The following UBOX5 variants were observed in gnomAD, a reference collection of about 807,000 sequenced individuals.
UBOX5 encodes RING finger protein 37.
A neutral mutation model predicts 39.0 loss-of-function variants in UBOX5; 28 were observed. The ratio of observed to expected loss-of-function variants is 0.72; its 90% CI spans 0.53 to 0.98. UBOX5 has a LOEUF of 0.98. UBOX5 is among the 50% of genes least tolerant of loss of function. UBOX5 has a pLI of 0.00. For missense variants in UBOX5, 585 were observed against 674.4 expected (o/e 0.87, Z 1.47); for synonymous variants, 283 against 275.5 (o/e 1.03, Z -0.27).
At chr20:3,144,166 G>A (rs2148615817) in intron 1 of UBOX5, among the ~76,000 whole-genome samples, 1 of 152,182 alleles carries the variant, frequency 6.6e-6, no homozygotes, top group East Asian at 1.9e-4. Flanking sequence ...TTTTCTTGCA[G>A]AAATGGGCAA....
At chr20:3,122,640 T>A in intron 2 of UBOX5, 56 bp from the exon 3 acceptor site, 5 of 1,509,910 alleles carry the variant, frequency 3.3e-6, no homozygotes, top group Non-Finnish European at 4.4e-6. Flanking sequence ...AACTTGTCAC[T>A]TGTAAGAAAA....
intron 1 of UBOX5, among the ~76,000 whole-genome samples, chr20:3,137,040 C>T (rs1040541760): frequency 4.6e-5 from 7 of 151,906 alleles, no homozygotes; most frequent in South Asian, 2.1e-4. Flanking sequence ...CTTCACCTCC[C>T]GGGTTCAAGC....
At chr20:3,110,454 G>T in intron 4 of UBOX5, 140 bp from the exon 5 acceptor site, 2 of 984,782 alleles carry the variant, frequency 2.0e-6, no homozygotes. Flanking sequence ...GTCTGATCAG[G>T]TAGGGGAGTG....
chr20:3,151,047 A>AGTGTGTGTGT (rs372608459), intron 1 of UBOX5, among the ~76,000 whole-genome samples: 2 of 151,896 alleles, frequency 1.3e-5, no homozygotes, highest in African/African-American at 4.8e-5. Flanking sequence ...AAACCCAGTT[A>AGTGTGTGTGT]GTGTGTGTTT....
At chr20:3,127,036 C>CAAAAAAA (rs10579307) in intron 1 of UBOX5, among the ~76,000 whole-genome samples, 1 of 66,154 alleles carries the variant, frequency 1.5e-5, no homozygotes, top group Non-Finnish European at 2.7e-5. Context: ...AACTCCGTCT[C>CAAAAAAA]AAAAAAAAAA....
chr20:3,152,182 T>G (rs2422859), intron 1 of UBOX5, among the ~76,000 whole-genome samples: 60,882 of 150,872 alleles, frequency 0.4, 14,096 homozygotes, highest in East Asian at 0.56. Flanking sequence ...ACAGGGCTTT[T>G]AAGAAGACCT....
At chr20:3,153,600 G>A (rs1568483960) in intron 1 of UBOX5, among the ~76,000 whole-genome samples, 3 of 152,106 alleles carry the variant, frequency 2.0e-5, no homozygotes, top group African/African-American at 4.8e-5. Context: ...AAACAGGTTC[G>A]GGGGGCAGTA....
rs762262205 is a variant in UBOX5, at chr20:3,110,269, C to T, written c.1463G>A (p.Arg488Lys). ...ILGPECASCK[R>K]VFSPYFKKEP... Reference sequence around the variant, plus strand: ...CTTTTTGAAGTAGGGAGAAAATACTCTTTTGCAGGAGGCACATTCGGGGCC... The same window carrying T: ...CTTTTTGAAGTAGGGAGAAAATACTTTTTTGCAGGAGGCACATTCGGGGCC... Residue 488 changes from arginine (R) to lysine (K), a missense_variant, in exon 5 of 5, where the codon AGA (arginine) becomes AAA (lysine). Coordinates refer to ENST00000217173, the MANE Select transcript of UBOX5 (RefSeq NM_014948.4). The T allele has an allele frequency of 1.2e-6, 2 of 1,614,170 alleles. No homozygotes were observed. The highest frequency in any genetic ancestry group is 8.5e-7 in the Non-Finnish European group (1 of 1,180,026).
rs1568471529 is a variant in UBOX5 at position 3,122,540 on chromosome 20, A to G, written c.99T>C (p.Asp33=). The G allele has an allele frequency of 6.2e-7, 1 of 1,604,546 alleles. No individual in the cohort carries two copies. The highest frequency in any genetic ancestry group is 1.3e-5 in the African/African-American group (1 of 74,758). The change falls in exon 3 of 5, where the codon GAT becomes GAC. Residue 33 remains aspartate (D), a synonymous_variant. Coordinates refer to ENST00000217173, the MANE Select transcript of UBOX5 (RefSeq NM_014948.4). The part of the protein sequence containing the change: ...GYEVENLISE[D]LTKRSHGFRT... Reference sequence around the variant, plus strand: ...TGAAACCATGACTTCTCTTTGTGAGATCTTCAGAGATGAGATTTTCTACTT... The same window carrying G: ...TGAAACCATGACTTCTCTTTGTGAGGTCTTCAGAGATGAGATTTTCTACTT...
chr20:3,158,022 G>A (rs1231246015), intron 1 of UBOX5, among the ~76,000 whole-genome samples: 62 of 152,144 alleles, frequency 4.1e-4, no homozygotes, highest in Non-Finnish European at 8.8e-5. Context: ...CCTCCCGGGC[G>A]AGGATCGCTC....
intron 1 of UBOX5, chr20:3,151,950 C>A (rs1318499151): frequency 2.0e-5 from 3 of 151,108 alleles, no homozygotes; most frequent in Admixed American, 6.6e-5. Flanking sequence ...ACTACAAATA[C>A]AAAAATTAGC....
At chr20:3,156,201 A>G (rs1459994307) in intron 1 of UBOX5, among the ~76,000 whole-genome samples, 1 of 140,314 alleles carries the variant, frequency 7.1e-6, no homozygotes, top group Admixed American at 7.5e-5. Context: ...TTTGAGACAG[A>G]GTCTTGCTCT....
rs750377714 is a variant in UBOX5, at chr20:3,122,027, T to C, written c.612A>G (p.Glu204=). 2 of 1,614,264 alleles carry C rather than the reference T, an allele frequency of 1.2e-6. No homozygotes were observed. The highest frequency in any genetic ancestry group is 2.2e-5 in the East Asian group (1 of 44,890). ...TGACCAGCAGGATGCTGTCTATCACTTCCTGGGAGCAGGTCTTGGCCGGCT... is the reference window on the plus strand; with the variant it reads ...TGACCAGCAGGATGCTGTCTATCACCTCCTGGGAGCAGGTCTTGGCCGGCT... ...WGQPAKTCSQ[E]VIDSILLVTS... is the part of the protein sequence containing the mutation. Residue 204 remains glutamate (E), a synonymous_variant, in exon 3 of 5, where the codon GAA becomes GAG. Coordinates refer to ENST00000217173, the MANE Select transcript of UBOX5 (RefSeq NM_014948.4).
At chr20:3,148,856 C>G in intron 1 of UBOX5, 1 of 1,614,194 alleles carries the variant, frequency 6.2e-7, no homozygotes, top group Non-Finnish European at 8.5e-7. Context: ...GTGGGCACTG[C>G]TGGTTGTCAG....
intron 1 of UBOX5, among the ~76,000 whole-genome samples, chr20:3,143,728 G>C (rs1298424110): frequency 6.6e-6 from 1 of 152,194 alleles, no homozygotes; most frequent in Admixed American, 6.5e-5. Context: ...GGGAGGCGGA[G>C]CTTGCAGTGA....
intron 1 of UBOX5, among the ~76,000 whole-genome samples, chr20:3,155,286 T>C (rs1041922320): frequency 6.6e-6 from 1 of 152,154 alleles, no homozygotes; most frequent in Admixed American, 6.5e-5. Context: ...TCCCAGCACT[T>C]TGGAAGGCTG....
In UBOX5 at chr20:3,148,001, A is replaced by G. The variant is rs779277020; in HGVS notation, c.-42+11765T>C. On this transcript the variant is annotated intron_variant, in intron 1 of 4. Coordinates refer to ENST00000217173, the MANE Select transcript of UBOX5 (RefSeq NM_014948.4). ...GAAACGGAACATTTTAACAATATTCACTAAGGAGCGACTACTCAGATGCTG... is the reference window on the plus strand; with the variant it reads ...GAAACGGAACATTTTAACAATATTCGCTAAGGAGCGACTACTCAGATGCTG... 22 of 1,614,202 alleles carry G rather than the reference A, an allele frequency of 1.4e-5. No homozygotes were observed. In the South Asian group the frequency reaches 2.4e-4, roughly 18 times the overall value.
intron 1 of UBOX5, among the ~76,000 whole-genome samples, chr20:3,156,253 G>A (rs935119484): frequency 2.0e-5 from 3 of 146,796 alleles, no homozygotes; most frequent in African/African-American, 5.1e-5. Context: ...TCAGCTCACT[G>A]CAACCTCTGC....
At chr20:3,123,442 TA>T in intron 1 of UBOX5, 36 bp from the exon 2 acceptor site, 1 of 1,451,826 alleles carries the variant, frequency 6.9e-7, no homozygotes. Flanking sequence ...TTAGAAAATG[TA>T]AAATTCAATT....
Sources: gnomAD v4.1 joint callset for allele counts (sites outside exome capture counted in the v4.1 genomes callset) on GRCh38, gnomAD v4.1.1 for gene constraint, MANE v1.5 for transcripts, NCBI Gene and HGNC (gene_info 2026-07-23, HGNC 2026-07-21) for gene names.